Variants in MYL10 observed in about 807,000 individuals in gnomAD.
MYL10 encodes the protein myosin regulatory light chain 10.
Under a neutral mutation model 21.9 loss-of-function variants are expected in MYL10, and 18 were observed. The observed-to-expected ratio is 0.82, with a 90% CI of 0.57 to 1.22. MYL10 has a LOEUF of 1.22. MYL10 is among the 50% of genes most tolerant of loss of function. MYL10 has a pLI of 0.00. For synonymous variants in MYL10, 88 were observed against 82.8 expected (o/e 1.06, Z -0.34); for missense variants, 225 against 230.4 (o/e 0.98, Z 0.15).
chr7:101,616,719 G>A (rs544140449), intron 5 of MYL10, among the ~76,000 whole-genome samples: 31 of 152,286 alleles, frequency 2.0e-4, no homozygotes, highest in African/African-American at 3.6e-4. Flanking sequence ...TGGGGCTCAC[G>A]TGTTACCCAA....
intron 5 of MYL10, among the ~76,000 whole-genome samples, chr7:101,619,127 T>G (rs1796645540): frequency 6.6e-6 from 1 of 152,186 alleles, no homozygotes; most frequent in South Asian, 2.1e-4. Flanking sequence ...CCACTGGCCT[T>G]TAACACGCCT....
chr7:101,626,716 G>A (rs941280542), intron 1 of MYL10, among the ~76,000 whole-genome samples: 1 of 152,182 alleles, frequency 6.6e-6, no homozygotes, highest in Admixed American at 6.5e-5. Flanking sequence ...CTGCCCCTGT[G>A]AAGCCCCCAG....
Position 101,622,181 on chromosome 7 carries a change from G to T in MYL10, c.369C>A (p.Asn123Lys). Residue 123 changes from asparagine to lysine, a missense_variant, in exon 5 of 8, where the codon AAC (asparagine) becomes AAA (lysine). By Grantham distance (94) the Asn-to-Lys change is moderately conservative. Coordinates refer to ENST00000223167, the MANE Select transcript of MYL10 (RefSeq NM_138403.5). Reference sequence around the variant, plus strand: ...CCTTCACCATGGCCTCCAGTTCCTCGTTCTTGACATTGATGCGGCCTGTGG... The same window carrying T: ...CCTTCACCATGGCCTCCAGTTCCTCTTTCTTGACATTGATGCGGCCTGTGG... ...FAALGRINVK[N>K]EELEAMVKEA... 1 of 1,613,084 alleles carries T rather than the reference G, an allele frequency of 6.2e-7. No homozygotes were observed. The highest frequency in any genetic ancestry group is 8.5e-7 in the Non-Finnish European group (1 of 1,179,382).
chr7:101,624,314 G>A lies in MYL10; in HGVS notation c.79-50C>T, dbSNP rs757495422. 8.5e-6 allele frequency: 12 copies of A among 1,418,348 alleles called. No individual in the cohort carries two copies. In the African/African-American group the frequency reaches 1.6e-4, roughly 18 times the overall value. 87.9% of individuals were successfully genotyped at this position (1,418,348 alleles called of 1,614,324 possible). ...GCAGCGGCCCCTGCCTCGAGGGTCAGCCCCCACCCCCTGTCTCACCTCCCA... is the reference window on the plus strand; with the variant it reads ...GCAGCGGCCCCTGCCTCGAGGGTCAACCCCCACCCCCTGTCTCACCTCCCA... On this transcript the variant is annotated intron_variant, in intron 1 of 7. Transcript: ENST00000223167.
chr7:101,614,047 C>A (rs1295472214), intron 6 of MYL10, among the ~76,000 whole-genome samples: 2 of 151,916 alleles, frequency 1.3e-5, no homozygotes, highest in Non-Finnish European at 2.9e-5. Context: ...CACCGCAGAG[C>A]CTCTTTTGCC....
rs1796719035 is a variant in MYL10, at chr7:101,624,281, A to G, written c.79-17T>C. ...TCTCGGTGCCTGCGAGGTAGCAGAC[A>G]AGGCCTTGCAGCGGCCCCTGCCTCG... On this transcript the variant is annotated splice_polypyrimidine_tract_variant and intron_variant, in intron 1 of 7. Coordinates refer to ENST00000223167, the MANE Select transcript of MYL10 (RefSeq NM_138403.5). The G allele has an allele frequency of 6.2e-7, 1 of 1,605,814 alleles. No individual in the cohort carries two copies. The highest frequency in any genetic ancestry group is 1.3e-5 in the African/African-American group (1 of 74,406).
chr7:101,613,374 C>T lies in MYL10; in HGVS notation c.*101G>A, dbSNP rs1375528270. On this transcript the variant is annotated 3_prime_UTR_variant, in exon 8 of 8. Coordinates refer to ENST00000223167, the MANE Select transcript of MYL10 (RefSeq NM_138403.5). ...TCTTGCTTTGTCCCCAACCGTAGGACAAGGGAAGCCTTTTTCCTGCAGCCT... is the reference window on the plus strand; with the variant it reads ...TCTTGCTTTGTCCCCAACCGTAGGATAAGGGAAGCCTTTTTCCTGCAGCCT... 4 of 943,164 alleles carry T rather than the reference C, an allele frequency of 4.2e-6. No individual in the cohort carries two copies. 58.4% of individuals were successfully genotyped at this position (943,164 alleles called of 1,614,324 possible).
chr7:101,617,769 TCTCC>T (rs1796625194), intron 5 of MYL10, among the ~76,000 whole-genome samples: 1 of 151,146 alleles, frequency 6.6e-6, no homozygotes, highest in Non-Finnish European at 1.5e-5. Flanking sequence ...CATCTGTGCC[TCTCC>T]CATCAAACTG....
In MYL10 at chr7:101,622,212, G is replaced by T; in HGVS notation, c.350-12C>A. On this transcript the variant is annotated splice_polypyrimidine_tract_variant and intron_variant, in intron 4 of 7. Coordinates refer to ENST00000223167, the MANE Select transcript of MYL10 (RefSeq NM_138403.5). Reference sequence around the variant, plus strand: ...GACATTGATGCGGCCTGTGGGAGGTGAGAGGTGGGGGCAGGGAGGATAAGA... The same window carrying T: ...GACATTGATGCGGCCTGTGGGAGGTTAGAGGTGGGGGCAGGGAGGATAAGA... 1 of 1,602,318 alleles carries T rather than the reference G, an allele frequency of 6.2e-7. No homozygotes were observed. The highest frequency in any genetic ancestry group is 8.5e-7 in the Non-Finnish European group (1 of 1,170,612).
rs1036988285 is a variant in MYL10, at chr7:101,618,606, T to G, written c.455-2308A>C. 2.6e-5 allele frequency among the ~76,000 whole-genome samples: 4 copies of G among 152,284 alleles called. 1 individual carries two copies. Among genetic ancestry groups the G allele is most frequent in the East Asian group, 1.9e-4 (1 of 5,180 alleles). On this transcript the variant is annotated intron_variant, in intron 5 of 7. Transcript: ENST00000223167. ...AGACTGCAAACCTCATAAAATCTGC[T>G]ATAGAGTGGCCACTTCCTCCCATCA...
chr7:101,625,678 A>C (rs1652459642), intron 1 of MYL10, among the ~76,000 whole-genome samples: 1 of 152,122 alleles, frequency 6.6e-6, no homozygotes, highest in Admixed American at 6.5e-5. Flanking sequence ...TAATCCTTTG[A>C]AAGGGGGCTG....
At chr7:101,620,329 A>C (rs563669488) in intron 5 of MYL10, among the ~76,000 whole-genome samples, 1 of 152,284 alleles carries the variant, frequency 6.6e-6, no homozygotes, top group Admixed American at 6.5e-5. Flanking sequence ...CATCTCAAAA[A>C]CAAAACAAAA....
At chr7:101,626,280 G>A (rs866716803) in intron 1 of MYL10, among the ~76,000 whole-genome samples, 6 of 152,186 alleles carry the variant, frequency 3.9e-5, no homozygotes, top group African/African-American at 1.2e-4. Flanking sequence ...CGGACCTCCA[G>A]GCAGGTCCGT....
intron 6 of MYL10, among the ~76,000 whole-genome samples, chr7:101,614,436 C>T (rs1455109903): frequency 6.6e-6 from 1 of 152,378 alleles, no homozygotes; most frequent in East Asian, 1.9e-4. Flanking sequence ...GAGCCTCCAC[C>T]GTGGCCTGTC....
chr7:101,628,435 G>A (rs922283418), intron 1 of MYL10, among the ~76,000 whole-genome samples: 3 of 152,102 alleles, frequency 2.0e-5, no homozygotes, highest in Non-Finnish European at 2.9e-5. Flanking sequence ...CAGCCTGGGC[G>A]ACAGAGTGAG....
chr7:101,622,122 A>G lies in MYL10; in HGVS notation c.428T>C (p.Leu143Pro). The change falls in exon 5 of 8, where the codon CTG becomes CCG. Residue 143 changes from leucine (L) to proline (P), a missense_variant. Leu to Pro is a moderately conservative substitution (Grantham distance 98). Transcript: ENST00000223167. The part of the protein sequence containing the change: ...APGPINFTVF[L>P]TMFGEKLKGT... ...CTTCAGCTTCTCCCCAAACATGGTC[A>G]GGAACACCGTGAAGTTGATGGGTCC... is the stretch of plus-strand genomic sequence containing the variant. 2.5e-6 allele frequency: 4 copies of G among 1,613,792 alleles called. No individual in the cohort carries two copies. The highest frequency in any genetic ancestry group is 3.4e-6 in the Non-Finnish European group (4 of 1,179,772).
chr7:101,621,929 G>A (rs947749839), intron 5 of MYL10, among the ~76,000 whole-genome samples, 167 bp downstream of exon 5: 1 of 152,182 alleles, frequency 6.6e-6, no homozygotes. Flanking sequence ...GGTGAAGAGA[G>A]GGAAACCGAG....
intron 3 of MYL10, 30 bp from the exon 4 acceptor site, chr7:101,623,102 C>T: frequency 6.2e-7 from 1 of 1,603,018 alleles, no homozygotes; most frequent in Non-Finnish European, 8.5e-7. Flanking sequence ...TAAGTAGTCA[C>T]CTGCCCTTCC....
intron 5 of MYL10, among the ~76,000 whole-genome samples, chr7:101,617,469 A>T (rs975121018): frequency 6.6e-6 from 1 of 152,188 alleles, no homozygotes; most frequent in African/African-American, 2.4e-5. Flanking sequence ...AGAAGGGAGG[A>T]TTTAAACCCA....
Sources: gnomAD v4.1 joint callset for allele counts (sites outside exome capture counted in the v4.1 genomes callset) on GRCh38, gnomAD v4.1.1 for gene constraint, MANE v1.5 for transcripts, NCBI Gene and HGNC (gene_info 2026-07-23, HGNC 2026-07-21) for gene names.